The following NIBAN2 variants were observed in gnomAD, a reference collection of about 807,000 sequenced individuals.
NIBAN2 encodes niban apoptosis regulator 2, also known as protein Niban 2.
In NIBAN2, 36 loss-of-function variants were observed where a neutral mutation model predicts 81.8. That is an observed-to-expected ratio of 0.44 (90% CI 0.34 to 0.58). The LOEUF (loss-of-function observed/expected upper bound fraction) is 0.58, where lower values mean the gene tolerates loss of function less well. Among genes scored for constraint, NIBAN2 ranks in the 20% least tolerant of loss-of-function variants. The probability of loss-of-function intolerance (pLI) is 0.02; values close to 1 mark genes in which losing one functional copy is unlikely to be tolerated. For synonymous variants in NIBAN2, 445 were observed against 441.6 expected (o/e 1.01, Z -0.10); for missense variants, 897 against 1,014.1 (o/e 0.88, Z 1.57).
At chr9:127,542,228 T>A (rs1277652518) in intron 1 of NIBAN2, among the ~76,000 whole-genome samples, 1 of 152,128 alleles carries the variant, frequency 6.6e-6, no homozygotes, top group Non-Finnish European at 1.5e-5. Context: ...CTGCTCCCCA[T>A]GTCCGGAATA....
At position 127,536,351 on chromosome 9, in the gene NIBAN2, T is replaced by G. The variant is rs1471998062; in HGVS notation, c.56-4573A>C. 6.6e-6 allele frequency among the ~76,000 whole-genome samples: 1 copy of G among 152,148 alleles called. No homozygotes were observed. Among genetic ancestry groups the G allele is most frequent in the African/African-American group, 2.4e-5 (1 of 41,428 alleles). ...AGGACCCAGGCGAGCACTGCAGCCC[T>G]GGTGGGGGCTCAGCCAGAGGACCCA... On this transcript the variant is annotated intron_variant, in intron 1 of 13. Transcript: ENST00000373312. This position sits in a 1 kb window ranked among gnomAD's most constrained non-coding sequence, Gnocchi z 4.0.
At chr9:127,556,314 AC>A (rs1837669354) in intron 1 of NIBAN2, among the ~76,000 whole-genome samples, 1 of 151,748 alleles carries the variant, frequency 6.6e-6, no homozygotes, top group African/African-American at 2.4e-5. Flanking sequence ...GTACGTCACC[AC>A]CCCAAGCCCC....
intron 1 of NIBAN2, among the ~76,000 whole-genome samples, chr9:127,557,602 C>T (rs528939000): frequency 2.0e-5 from 3 of 152,356 alleles, no homozygotes; most frequent in East Asian, 1.9e-4. Context: ...CAGCTCCTCT[C>T]GGATTCTGCC....
intron 2 of NIBAN2, among the ~76,000 whole-genome samples, chr9:127,528,302 A>G (rs1201101568): frequency 6.6e-6 from 1 of 152,222 alleles, no homozygotes; most frequent in African/African-American, 2.4e-5. Flanking sequence ...AGCTTCTGGA[A>G]GGAGATAGAC....
chr9:127,574,051 T>C (rs1837980509), upstream of NIBAN2, among the ~76,000 whole-genome samples: 1 of 152,214 alleles, frequency 6.6e-6, no homozygotes, highest in African/African-American at 2.4e-5. Context: ...GTTCTTTCTA[T>C]AGCAAGGATT....
chr9:127,573,720 C>G (rs1393078285), upstream of NIBAN2, among the ~76,000 whole-genome samples: 5 of 152,174 alleles, frequency 3.3e-5, no homozygotes, highest in Non-Finnish European at 7.3e-5. Flanking sequence ...GTGGCACGAT[C>G]TCTGCTCACT....
intron 5 of NIBAN2, among the ~76,000 whole-genome samples, chr9:127,521,398 G>GA (rs1168001755): frequency 2.6e-5 from 4 of 152,278 alleles, no homozygotes; most frequent in African/African-American, 9.6e-5. Flanking sequence ...CAGACAGGAA[G>GA]AAGCCTTGAC....
In NIBAN2 at chr9:127,517,901, T is replaced by C; in HGVS notation, c.630A>G (p.Thr210=). 1.2e-6 allele frequency: 2 copies of C among 1,612,962 alleles called. No homozygotes were observed. The highest frequency in any genetic ancestry group is 1.1e-5 in the South Asian group (1 of 90,874). ...ACTGTCGGTACATGCGGATGGCATC[T>C]GTGAACGCAGGGCCCTCTACCTTGG... ...EDSKVEGPAF[T]DAIRMYRQSK... The change falls in exon 6 of 14, where the codon ACA becomes ACG. Residue 210 remains threonine (T), a synonymous_variant. Coordinates refer to ENST00000373312, the MANE Select transcript of NIBAN2 (RefSeq NM_022833.4). This position sits in a 1 kb window ranked among gnomAD's most constrained non-coding sequence, Gnocchi z 4.0.
chr9:127,540,518 G>A (rs3936050), intron 1 of NIBAN2, among the ~76,000 whole-genome samples: 3,505 of 152,282 alleles, frequency 0.023, 149 homozygotes, highest in African/African-American at 0.079. Context: ...GCTTGGACAC[G>A]TGCCCCCGAT....
chr9:127,573,066 G>A (rs760222791), upstream of NIBAN2, among the ~76,000 whole-genome samples: 4 of 152,080 alleles, frequency 2.6e-5, no homozygotes, highest in Admixed American at 6.6e-5. Context: ...ATGTATGTAC[G>A]TATGTATATA....
intron 8 of NIBAN2, among the ~76,000 whole-genome samples, chr9:127,512,791 A>G (rs1008158547): frequency 6.6e-6 from 1 of 152,178 alleles, no homozygotes; most frequent in African/African-American, 2.4e-5. Flanking sequence ...AATGAGTACA[A>G]CCACTATGGA....
intron 5 of NIBAN2, among the ~76,000 whole-genome samples, chr9:127,520,906 G>GA (rs993717286): frequency 6.6e-6 from 1 of 152,044 alleles, no homozygotes; most frequent in Non-Finnish European, 1.5e-5. Flanking sequence ...AAAAGAAAAA[G>GA]AAAAAAAGAA....
In NIBAN2 at chr9:127,544,192, C is replaced by T. The variant is rs149029487; in HGVS notation, c.56-12414G>A. ...GTTGGAATGGTATCTTGTTCACTTC[C>T]GTATCCCTGGTACCTAACATGGCGC... On this transcript the variant is annotated intron_variant, in intron 1 of 13. Coordinates refer to ENST00000373312, the MANE Select transcript of NIBAN2 (RefSeq NM_022833.4). Among the ~76,000 whole-genome samples the T allele has an allele frequency of 1.5e-3, 221 of 152,298 alleles. 1 individual carries two copies. The highest frequency in any genetic ancestry group is 5.1e-3 in the African/African-American group (210 of 41,558).
chr9:127,572,656 GGACT>G (rs1381624313), upstream of NIBAN2, among the ~76,000 whole-genome samples: 1 of 152,050 alleles, frequency 6.6e-6, no homozygotes, highest in Non-Finnish European at 1.5e-5. Context: ...GTCACACCAA[GGACT>G]TTTCTGCCTC....
At chr9:127,575,526 C>CTTTTTTTTTTT (rs60340873) in intron 1 of NIBAN2, among the ~76,000 whole-genome samples, 1 of 122,320 alleles carries the variant, frequency 8.2e-6, no homozygotes, top group African/African-American at 3.2e-5. Context: ...GTGCTGGGCC[C>CTTTTTTTTTTT]TTTTTTTTTT....
rs945852174 is a variant in NIBAN2, at chr9:127,515,762, G to A, written c.973+1095C>T. 3.3e-5 allele frequency among the ~76,000 whole-genome samples: 5 copies of A among 151,738 alleles called. No homozygotes were observed. The East Asian group carries it at 5.8e-4, about 18-fold the overall frequency. ...TGAGGCAGGAGAATTGCTTGAACCC[G>A]AGAGGCAAGGTTGCAGTGAGCCCAG... On this transcript the variant is annotated intron_variant, in intron 8 of 13. Coordinates refer to ENST00000373312, the MANE Select transcript of NIBAN2 (RefSeq NM_022833.4).
rs370582135 is a variant in NIBAN2 at position 127,510,293 on chromosome 9, A to G, written c.1014T>C (p.His338=). ...GGATGGATGGGATGTAGGGCTGGAC[A>G]TGGTTCCGCACGCACACCTCTGCCT... ...LPKAEVCVRN[H]VQPYIPSILE... Residue 338 remains histidine (H), a synonymous_variant, in exon 9 of 14, where the codon CAT becomes CAC. Transcript: ENST00000373312. 1 of 1,613,774 alleles carries G rather than the reference A, an allele frequency of 6.2e-7. No individual in the cohort carries two copies. Among genetic ancestry groups the G allele is most frequent in the African/African-American group, 1.3e-5 (1 of 74,904 alleles).
At chr9:127,538,160 G>A (rs1837312691) in intron 1 of NIBAN2, among the ~76,000 whole-genome samples, 1 of 152,166 alleles carries the variant, frequency 6.6e-6, no homozygotes, top group African/African-American at 2.4e-5. Flanking sequence ...GGTGCTCTGT[G>A]GATCTCAGGG....
chr9:127,521,069 G>A (rs1836932328), intron 5 of NIBAN2, among the ~76,000 whole-genome samples: 1 of 152,154 alleles, frequency 6.6e-6, no homozygotes, highest in Admixed American at 6.5e-5. Context: ...CAGACCTCCA[G>A]CTGGGAGAGA....
Sources: allele counts gnomAD v4.1 joint callset (sites outside exome capture counted in the v4.1 genomes callset), GRCh38; gene constraint gnomAD v4.1.1; non-coding constraint Gnocchi (gnomAD v3.1); transcripts MANE v1.5; gene names NCBI Gene and HGNC (gene_info 2026-07-23, HGNC 2026-07-21).